Variants in CENPP observed in about 807,000 individuals in gnomAD.
CENPP encodes the protein centromere protein P.
In CENPP, 24 loss-of-function variants were observed where a neutral mutation model predicts 35.6. That is an observed-to-expected ratio of 0.67 (90% CI 0.49 to 0.95). The LOEUF (loss-of-function observed/expected upper bound fraction) is 0.95. Among genes scored for constraint, CENPP ranks in the 40% least tolerant of loss-of-function variants. The probability of loss-of-function intolerance (pLI) is 0.00; values close to 1 mark genes in which losing one functional copy is unlikely to be tolerated. For synonymous variants in CENPP, 120 were observed against 125.5 expected, an observed-to-expected ratio of 0.96 and a Z score of 0.29; for missense variants, 332 against 345.3, an observed-to-expected ratio of 0.96 and a Z score of 0.31.
intron 5 of CENPP, among the ~76,000 whole-genome samples, chr9:92,421,764 CT>C (rs1192824116): frequency 6.6e-6 from 1 of 152,148 alleles, no homozygotes; most frequent in Non-Finnish European, 1.5e-5. Flanking sequence ...GCCATAGTCC[CT>C]TCTGTAAAGA....
At chr9:92,407,743 A>G (rs1013648280) in intron 5 of CENPP, among the ~76,000 whole-genome samples, 1 of 152,126 alleles carries the variant, frequency 6.6e-6, no homozygotes, top group East Asian at 1.9e-4. Flanking sequence ...AGTAGCTGGG[A>G]CTACAGGCAT....
At chr9:92,572,655 G>T (rs984662890) in intron 5 of CENPP, among the ~76,000 whole-genome samples, 5 of 152,182 alleles carry the variant, frequency 3.3e-5, no homozygotes, top group African/African-American at 1.2e-4. Flanking sequence ...TGTTGGGGAA[G>T]TTCTCCTGGA....
At position 92,563,041 on chromosome 9, in the gene CENPP, G is replaced by C. The variant is rs192898011; in HGVS notation, c.565-48273G>C. On this transcript the variant is annotated intron_variant, in intron 5 of 7. Coordinates refer to ENST00000375587, the MANE Select transcript of CENPP (RefSeq NM_001012267.3). ...TTATTGTGCTGTTTTTATTTTTAAA[G>C]AGAATTTTAGTTTTAATTCTGACAG... 3.5e-4 allele frequency among the ~76,000 whole-genome samples: 54 copies of C among 152,242 alleles called. No individual in the cohort carries two copies. The East Asian group carries it at 5.0e-3, about 14-fold the overall frequency.
In CENPP at chr9:92,618,575, A is replaced by C. The variant is rs187647302; in HGVS notation, c.*5426A>C. 2.9e-4 allele frequency: 131 copies of C among 456,660 alleles called. No homozygotes were observed. Among genetic ancestry groups the C allele is most frequent in the East Asian group, 1.8e-3 (26 of 14,390 alleles). The allele number at this position is 456,660 out of a possible 1,614,324, so 28.3% of individuals were successfully genotyped here. ...ATCTTCGTGGGTTTTCTCTCATCGAACACCACCAGCTTAATCCAGTTAAGG... is the reference window on the plus strand; with the variant it reads ...ATCTTCGTGGGTTTTCTCTCATCGACCACCACCAGCTTAATCCAGTTAAGG... On this transcript the variant is annotated 3_prime_UTR_variant, in exon 8 of 8. Coordinates refer to ENST00000375587, the MANE Select transcript of CENPP (RefSeq NM_001012267.3).
At chr9:92,332,027 ATTTTTTTTATT>A in intron 1 of CENPP, 132 bp from the exon 2 acceptor site, 1 of 456,094 alleles carries the variant, frequency 2.2e-6, no homozygotes, top group South Asian at 5.9e-5. Flanking sequence ...TAATTTTTTA[ATTTTTTTTATT>A]TTAATGGGGG....
intron 4 of CENPP, among the ~76,000 whole-genome samples, chr9:92,372,099 C>CTTTTTTTTT (rs71362382): frequency 5.5e-4 from 17 of 30,684 alleles, no homozygotes; most frequent in African/African-American, 1.2e-3. Context: ...TGCCAGCCAT[C>CTTTTTTTTT]TTTTTTTTTT....
upstream of CENPP, chr9:92,325,625 G>C (rs369860338): frequency 4.2e-5 from 9 of 215,688 alleles, 1 homozygote; most frequent in East Asian, 8.3e-4. Flanking sequence ...ATAAAGAGGC[G>C]CTCCCCTCCA....
chr9:92,606,732 C>A (rs997509661), intron 5 of CENPP, among the ~76,000 whole-genome samples: 1 of 152,052 alleles, frequency 6.6e-6, no homozygotes, highest in South Asian at 2.1e-4. Flanking sequence ...GGTGAAACCC[C>A]ATCTCTACTA....
chr9:92,332,733 G>A (rs1054371968), intron 2 of CENPP, among the ~76,000 whole-genome samples: 3 of 152,054 alleles, frequency 2.0e-5, no homozygotes, highest in East Asian at 3.9e-4. Context: ...ATTTGAACCC[G>A]GGAGGTGGAA....
chr9:92,582,575 C>G (rs1434959612), intron 5 of CENPP, among the ~76,000 whole-genome samples: 4 of 151,514 alleles, frequency 2.6e-5, no homozygotes, highest in South Asian at 2.1e-4. Flanking sequence ...TAATGTGGAG[C>G]CTGATTCTGC....
intron 5 of CENPP, among the ~76,000 whole-genome samples, chr9:92,548,081 C>G (rs1333159354): frequency 2.6e-5 from 4 of 152,188 alleles, no homozygotes; most frequent in Non-Finnish European, 5.9e-5. Context: ...GTTTTCCAGA[C>G]ACACAATTAA....
intron 5 of CENPP, among the ~76,000 whole-genome samples, chr9:92,412,081 T>G (rs191694615): frequency 9.2e-5 from 14 of 152,054 alleles, no homozygotes; most frequent in South Asian, 8.3e-4. Flanking sequence ...ATGAATTAAT[T>G]AATTAATTAA....
chr9:92,611,269 C>G, intron 5 of CENPP, 45 bp from the exon 6 acceptor site: 1 of 1,523,806 alleles, frequency 6.6e-7, no homozygotes, highest in Non-Finnish European at 9.1e-7. Flanking sequence ...TGGCCCCTTT[C>G]TCCCCACCAG....
At chr9:92,571,790 A>G (rs144494402) in intron 5 of CENPP, among the ~76,000 whole-genome samples, 4,880 of 152,040 alleles carry the variant, frequency 0.032, 110 homozygotes, top group South Asian at 0.085. Flanking sequence ...TATATTTAGG[A>G]TAGTTAGCTC....
chr9:92,449,907 G>T (rs1349140211), intron 5 of CENPP, among the ~76,000 whole-genome samples: 1 of 152,078 alleles, frequency 6.6e-6, no homozygotes, highest in Non-Finnish European at 1.5e-5. Context: ...ATTACCCAGT[G>T]TCAGGTATTT....
chr9:92,425,314 G>A (rs1843935580), intron 5 of CENPP, among the ~76,000 whole-genome samples: 1 of 152,060 alleles, frequency 6.6e-6, no homozygotes, highest in Non-Finnish European at 1.5e-5. Context: ...TTTTACTATT[G>A]CACAAAATAA....
chr9:92,458,496 G>T (rs1047676477), intron 5 of CENPP, among the ~76,000 whole-genome samples: 3 of 152,164 alleles, frequency 2.0e-5, no homozygotes, highest in African/African-American at 7.2e-5. Flanking sequence ...CAATATAAGT[G>T]CAAGGTATAG....
chr9:92,386,327 G>T, intron 5 of CENPP: 1 of 1,385,696 alleles, frequency 7.2e-7, no homozygotes, highest in South Asian at 1.2e-5. Flanking sequence ...GAGTGTTATT[G>T]AGGTTCTGTA....
Position 92,326,036 on chromosome 9 carries a change from C to T in CENPP, c.38C>T (p.Ala13Val). The T allele has an allele frequency of 6.4e-7, 1 of 1,561,040 alleles. No homozygotes were observed. Among genetic ancestry groups the T allele is most frequent in the Non-Finnish European group, 8.7e-7 (1 of 1,153,448 alleles). ...CTGGCAGAGGTGCGCGCCTTGCAAG[C>T]TGAGATCGCGGCCCTGCGGCGAGCG... is the stretch of plus-strand genomic sequence containing the variant. ...AELAEVRALQAEIAALRRACE... is the reference protein window; with the variant it reads ...AELAEVRALQVEIAALRRACE... Residue 13 changes from alanine (A) to valine (V), a missense_variant, in exon 1 of 8, where the codon GCT (alanine) becomes GTT (valine). By Grantham distance (64) the Ala-to-Val change is moderately conservative (BLOSUM62 0). Transcript: ENST00000375587.
Sources: allele counts gnomAD v4.1 joint callset (sites outside exome capture counted in the v4.1 genomes callset), GRCh38; gene constraint gnomAD v4.1.1; transcripts MANE v1.5; gene names NCBI Gene and HGNC (gene_info 2026-07-23, HGNC 2026-07-21).